The following SRRT variants were observed in gnomAD, a reference collection of about 807,000 sequenced individuals.
SRRT encodes the protein serrate, RNA effector molecule.
In SRRT, 32 loss-of-function variants were observed where a neutral mutation model predicts 103.2. The observed-to-expected ratio is 0.31, with a 90% CI of 0.23 to 0.42. The LOEUF is 0.42. Among genes scored for constraint, SRRT ranks in the 10% least tolerant of loss-of-function variants. SRRT has a pLI of 1.00. For missense variants in SRRT, 986 were observed against 1,207.5 expected (o/e 0.82, Z 2.72); for synonymous variants, 525 against 449.0 (o/e 1.17, Z -2.14).
Position 100,887,652 on chromosome 7 carries a change from GCGAGGCAACC to G in SRRT, c.2170-49_2170-40del. ...GAATCCTTCCAGCTCGGGCCTGGGA[GCGAGGCAACC>G]CTTATGTGGCTGTCCTGACCCCTCT... On this transcript the variant is annotated intron_variant, in intron 16 of 19. Coordinates refer to ENST00000611405, the MANE Select transcript of SRRT (RefSeq NM_015908.6). The surrounding 1 kb of genome is among the most constrained non-coding windows in gnomAD (Gnocchi z 4.1). 4 of 1,585,336 alleles carry G rather than the reference GCGAGGCAACC, an allele frequency of 2.5e-6. No homozygotes were observed. The highest frequency in any genetic ancestry group is 1.7e-6 in the Non-Finnish European group (2 of 1,160,712).
rs1426847134 is a variant in SRRT, at chr7:100,882,674, T to C, written c.587+433T>C. Reference sequence around the variant, plus strand: ...AAAGAATTTTAATTTTTTTTTCCTTTTGTGGATGTTTTAATTTTAATCAAC... The same window carrying C: ...AAAGAATTTTAATTTTTTTTTCCTTCTGTGGATGTTTTAATTTTAATCAAC... On this transcript the variant is annotated intron_variant, in intron 5 of 19. Transcript: ENST00000611405. This position sits in a 1 kb window ranked among gnomAD's most constrained non-coding sequence, Gnocchi z 4.2. The C allele has an allele frequency of 6.5e-6, 1 of 154,912 alleles. No individual in the cohort carries two copies. Among genetic ancestry groups the C allele is most frequent in the Non-Finnish European group, 1.4e-5 (1 of 69,606 alleles). 9.6% of individuals were successfully genotyped at this position (154,912 alleles called of 1,614,324 possible).
Position 100,882,371 on chromosome 7 carries a change from G to T in SRRT, c.587+130G>T. ...TCTGGGGGCGGGGGTCGGGAAGTAT[G>T]ACAGCATTGGCTGATGGGGTCTCCC... On this transcript the variant is annotated intron_variant, in intron 5 of 19. Coordinates refer to ENST00000611405, the MANE Select transcript of SRRT (RefSeq NM_015908.6). The surrounding 1 kb of genome is among the most constrained non-coding windows in gnomAD (Gnocchi z 4.2). 9.7e-7 allele frequency: 1 copy of T among 1,027,354 alleles called. No homozygotes were observed. Among genetic ancestry groups the T allele is most frequent in the South Asian group, 1.7e-5 (1 of 60,446 alleles). 63.6% of individuals were successfully genotyped at this position (1,027,354 alleles called of 1,614,324 possible).
chr7:100,885,105 G>A lies in SRRT; in HGVS notation c.1159+65G>A, dbSNP rs780410967. The A allele has an allele frequency of 2.5e-6, 4 of 1,605,272 alleles. No individual in the cohort carries two copies. The highest frequency in any genetic ancestry group is 3.4e-6 in the Non-Finnish European group (4 of 1,174,654). On this transcript the variant is annotated intron_variant, in intron 9 of 19. Coordinates refer to ENST00000611405, the MANE Select transcript of SRRT (RefSeq NM_015908.6). The surrounding 1 kb of genome is among the most constrained non-coding windows in gnomAD (Gnocchi z 4.8). The stretch of plus-strand genomic sequence containing the variant: ...GCGGGTGGGGAGGTGAGAGGTTGGC[G>A]ACATTGACGGGAGGGTGGGTGGCTT...
rs369945524 is a variant in SRRT at position 100,885,108 on chromosome 7, A to G, written c.1159+68A>G. 217 of 1,604,716 alleles carry G rather than the reference A, an allele frequency of 1.4e-4. 1 individual carries two copies. The African/African-American group carries it at 2.0e-3, about 15-fold the overall frequency. On this transcript the variant is annotated intron_variant, in intron 9 of 19. Coordinates refer to ENST00000611405, the MANE Select transcript of SRRT (RefSeq NM_015908.6). The surrounding 1 kb of genome is among the most constrained non-coding windows in gnomAD (Gnocchi z 4.8). ...GGTGGGGAGGTGAGAGGTTGGCGAC[A>G]TTGACGGGAGGGTGGGTGGCTTTTA...
At chr7:100,884,345 A>C in intron 6 of SRRT, 23 bp from the exon 7 acceptor site, 1 of 1,612,166 alleles carries the variant, frequency 6.2e-7, no homozygotes, top group Non-Finnish European at 8.5e-7. Flanking sequence ...TGGGGTCATG[A>C]CCTCTGTTCC....
chr7:100,886,965 T>G lies in SRRT; in HGVS notation c.1818T>G (p.Ile606Met), dbSNP rs201215771. ...ACGTGGAGCGGGATGAGAAGTTGAT[T>G]AAGGTGCCAGTGGCAGCGCGGGGCA... ...EINVERDEKL[I>M]KVLDKLLLYL... Residue 606 changes from isoleucine (I) to methionine (M), a missense_variant, in exon 14 of 20, where the codon ATT becomes ATG. Ile to Met is a conservative substitution (Grantham distance 10, BLOSUM62 1). Coordinates refer to ENST00000611405, the MANE Select transcript of SRRT (RefSeq NM_015908.6). 1.2e-6 allele frequency: 2 copies of G among 1,610,160 alleles called. No homozygotes were observed. Among genetic ancestry groups the G allele is most frequent in the East Asian group, 2.2e-5 (1 of 44,808 alleles).
Position 100,886,238 on chromosome 7 carries a change from G to T in SRRT, c.1459-9G>T. The T allele has an allele frequency of 6.2e-7, 1 of 1,608,000 alleles. No individual in the cohort carries two copies. The highest frequency in any genetic ancestry group is 8.5e-7 in the Non-Finnish European group (1 of 1,177,256). ...GTGGGGTAAGCTGCTGATGATGTCT[G>T]CCCTCCAGCTCCGGGAGTGTGAGCT... On this transcript the variant is annotated splice_polypyrimidine_tract_variant and intron_variant, in intron 12 of 19. Coordinates refer to ENST00000611405, the MANE Select transcript of SRRT (RefSeq NM_015908.6).
rs753149475 is a variant in SRRT at position 100,886,842 on chromosome 7, G to A, written c.1695G>A (p.Leu565=). 7.0e-5 allele frequency: 113 copies of A among 1,614,054 alleles called. 1 individual carries two copies. The highest frequency in any genetic ancestry group is 9.1e-5 in the Non-Finnish European group (107 of 1,180,046). Reference sequence around the variant, plus strand: ...TCTTGAAGAATATCACCGACTACCTGATCGAGGAAGTAAGCGCCGAGGAGG... The same window carrying A: ...TCTTGAAGAATATCACCGACTACCTAATCGAGGAAGTAAGCGCCGAGGAGG... ...NPILKNITDY[L]IEEVSAEEEE... is the part of the protein sequence containing the mutation. Residue 565 remains leucine (L), a synonymous_variant, in exon 14 of 20, where the codon CTG becomes CTA. Coordinates refer to ENST00000611405, the MANE Select transcript of SRRT (RefSeq NM_015908.6).
At chr7:100,876,537 A>G (rs1246294328) in intron 2 of SRRT, among the ~76,000 whole-genome samples, 1 of 152,204 alleles carries the variant, frequency 6.6e-6, no homozygotes, top group African/African-American at 2.4e-5. Context: ...AAAAATAATA[A>G]TATAGAGTTG....
Position 100,888,482 on chromosome 7 carries a change from G to T in SRRT, c.2564G>T (p.Arg855Leu). The T allele has an allele frequency of 1.2e-6, 2 of 1,614,146 alleles. No homozygotes were observed. The highest frequency in any genetic ancestry group is 1.7e-6 in the Non-Finnish European group (2 of 1,180,006). ...TACCTCTCACCTCACAGGATGGTTC[G>T]TGGAGACCCAAGGGCCATTGTGGAA... ...YPGKPRNRMV[R>L]GDPRAIVEYR... The change falls in exon 20 of 20, where the codon CGT becomes CTT. Residue 855 changes from arginine to leucine, a missense_variant. By Grantham distance (102) the Arg-to-Leu change is moderately radical (BLOSUM62 -2). This residue lies in a region of SRRT where 178 missense variants were observed against 189.6 expected (regional missense o/e 0.94). Transcript: ENST00000611405.
Position 100,881,797 on chromosome 7 carries a change from C to G in SRRT, c.390C>G (p.Ile130Met). Residue 130 changes from isoleucine to methionine, a missense_variant, in exon 4 of 20, where the codon ATC (isoleucine) becomes ATG (methionine). This residue lies in a region of SRRT where 274 missense variants were observed against 358.5 expected (regional missense o/e 0.76). Transcript: ENST00000611405. Reference protein sequence around the residue: ...VHIMQHHVLPIQARLGSIAEI... With the variant: ...VHIMQHHVLPMQARLGSIAEI... ...TCATGCAGCACCATGTCCTGCCTAT[C>G]CAGGCCAGGTAAGGGTGGGGCTTCT... The G allele has an allele frequency of 6.2e-7, 1 of 1,607,964 alleles. No homozygotes were observed. Among genetic ancestry groups the G allele is most frequent in the South Asian group, 1.1e-5 (1 of 90,580 alleles).
Position 100,885,874 on chromosome 7 carries a change from G to A in SRRT, c.1391G>A (p.Arg464His). 1 of 1,614,060 alleles carries A rather than the reference G, an allele frequency of 6.2e-7. No individual in the cohort carries two copies. The highest frequency in any genetic ancestry group is 8.5e-7 in the Non-Finnish European group (1 of 1,180,020). ...EPQPERRFFRRGWVTFDRSVN... is the reference protein window; with the variant it reads ...EPQPERRFFRHGWVTFDRSVN... ...TCTTTCTTGTGTAGGTTTTTCCGTC[G>A]TGGCTGGGTGACCTTCGACCGCAGT... The change falls in exon 12 of 20, where the codon CGT (arginine) becomes CAT (histidine). Residue 464 changes from arginine (R) to histidine (H), a missense_variant. Arg to His is a conservative substitution (Grantham distance 29, BLOSUM62 0). Transcript: ENST00000611405. This position sits in a 1 kb window ranked among gnomAD's most constrained non-coding sequence, Gnocchi z 4.8.
chr7:100,884,437 A>C lies in SRRT; in HGVS notation c.827A>C (p.Gln276Pro). 1 of 1,613,514 alleles carries C rather than the reference A, an allele frequency of 6.2e-7. No homozygotes were observed. Among genetic ancestry groups the C allele is most frequent in the Non-Finnish European group, 8.5e-7 (1 of 1,179,648 alleles). ...CTGGAGCAGGAGGAGGAGGAGGAGC[A>C]GGCAGGAAAGCCTGGGGAGCCCAGC... ...RILEQEEEEE[Q>P]AGKPGEPSKK... Residue 276 changes from glutamine to proline, a missense_variant, in exon 7 of 20, where the codon CAG becomes CCG. This residue lies in a region of SRRT where 166 missense variants were observed against 148.6 expected (regional missense o/e 1.12). Coordinates refer to ENST00000611405, the MANE Select transcript of SRRT (RefSeq NM_015908.6).
In SRRT at chr7:100,885,306, A is replaced by G; in HGVS notation, c.1253A>G (p.His418Arg). Residue 418 changes from histidine (H) to arginine (R), a missense_variant, in exon 10 of 20, where the codon CAT (histidine) becomes CGT (arginine). His to Arg is a conservative substitution (Grantham distance 29). Transcript: ENST00000611405. The surrounding 1 kb of genome is among the most constrained non-coding windows in gnomAD (Gnocchi z 4.8). ...AGLECKPRPL[H>R]KTCSLFMRNI... Reference sequence around the variant, plus strand: ...CTGGAGTGCAAGCCGCGGCCGCTGCATAAGACCTGCTCCCTCTTCATGCGC... The same window carrying G: ...CTGGAGTGCAAGCCGCGGCCGCTGCGTAAGACCTGCTCCCTCTTCATGCGC... 1.2e-6 allele frequency: 2 copies of G among 1,614,186 alleles called. No homozygotes were observed. The highest frequency in any genetic ancestry group is 2.2e-5 in the East Asian group (1 of 44,888).
intron 2 of SRRT, 108 bp from the exon 3 acceptor site, chr7:100,881,177 G>A (rs1381490679): frequency 1.9e-5 from 24 of 1,287,970 alleles, no homozygotes; most frequent in East Asian, 2.4e-5. Flanking sequence ...GGTTGGTCTC[G>A]AACTCCTGGC....
intron 5 of SRRT, 128 bp from the exon 6 acceptor site, chr7:100,883,942 T>C: frequency 9.5e-7 from 1 of 1,047,404 alleles, no homozygotes; most frequent in Admixed American, 2.9e-5. Flanking sequence ...TTAATCTCTC[T>C]ATTTTGATGA....
chr7:100,887,850 C>T lies in SRRT; in HGVS notation c.2317C>T (p.Pro773Ser). Residue 773 changes from proline to serine, a missense_variant, in exon 17 of 20, where the codon CCC becomes TCC. Pro to Ser is a moderately conservative substitution (Grantham distance 74). Transcript: ENST00000611405. The surrounding 1 kb of genome is among the most constrained non-coding windows in gnomAD (Gnocchi z 4.1). ...PEIKPAQPPG[P>S]AQILPPGLTP... ...GATCAAGCCAGCCCAGCCACCTGGC[C>T]CCGCCCAGAGTAAGATACGATCCAT... The T allele has an allele frequency of 6.2e-7, 1 of 1,604,190 alleles. No homozygotes were observed. The highest frequency in any genetic ancestry group is 8.5e-7 in the Non-Finnish European group (1 of 1,171,704).
At position 100,885,312 on chromosome 7, in the gene SRRT, CCTG is replaced by C; in HGVS notation, c.1262_1264del (p.Cys421del). On this transcript the variant is annotated inframe_deletion, in exon 10 of 20. Coordinates refer to ENST00000611405, the MANE Select transcript of SRRT (RefSeq NM_015908.6). This position sits in a 1 kb window ranked among gnomAD's most constrained non-coding sequence, Gnocchi z 4.8. ...TGCAAGCCGCGGCCGCTGCATAAGA[CCTG>C]CTCCCTCTTCATGCGCAACATCGCG... 6.2e-7 allele frequency: 1 copy of C among 1,614,196 alleles called. No homozygotes were observed.
intron 2 of SRRT, among the ~76,000 whole-genome samples, chr7:100,878,820 G>A (rs1381902072): frequency 6.6e-6 from 1 of 152,082 alleles, no homozygotes; most frequent in Non-Finnish European, 1.5e-5. Flanking sequence ...TCTCACCTCA[G>A]CCTCCTGATT....
Sources: allele counts gnomAD v4.1 joint callset (sites outside exome capture counted in the v4.1 genomes callset), GRCh38; gene constraint gnomAD v4.1.1; regional missense constraint gnomAD v4.1.1; non-coding constraint Gnocchi (gnomAD v3.1); transcripts MANE v1.5; gene names NCBI Gene and HGNC (gene_info 2026-07-23, HGNC 2026-07-21).